LRRC37A2: variants seen among roughly 807,000 people sequenced by gnomAD.
The protein encoded by LRRC37A2 is leucine rich repeat containing 37 member A2, also known as leucine-rich repeat-containing protein 37A2.
In LRRC37A2, 9 loss-of-function variants were observed where a neutral mutation model predicts 68.8. The observed-to-expected ratio is 0.13, with a 90% confidence interval of 0.08 to 0.23. The LOEUF (loss-of-function observed/expected upper bound fraction) is 0.23. Among genes scored for constraint, LRRC37A2 ranks in the 10% least tolerant of loss-of-function variants. The pLI is 1.00. For synonymous variants in LRRC37A2, 63 were observed against 367.6 expected, an observed-to-expected ratio of 0.17 and a Z score of 9.48; for missense variants, 168 against 950.4, an observed-to-expected ratio of 0.18 and a Z score of 10.82.
chr17:46,886,869 T>A, the LRRC37A2 span: 1 of 153,370 alleles, frequency 6.5e-6, no homozygotes, highest in Non-Finnish European at 1.4e-5. Context: ...CAGGCTGGAG[T>A]GCAGTGGTGC....
the LRRC37A2 span, chr17:46,851,516 C>T: frequency 2.3e-6 from 1 of 432,954 alleles, no homozygotes; most frequent in Non-Finnish European, 3.7e-6. This position sits in a 1 kb window ranked among gnomAD's most constrained non-coding sequence, Gnocchi z 4.3. Context: ...CTCCCAATCT[C>T]CTCCTTTCCC....
chr17:46,912,934 C>T, the LRRC37A2 span, among the ~76,000 whole-genome samples: 2 of 152,204 alleles, frequency 1.3e-5, no homozygotes, highest in Non-Finnish European at 2.9e-5. Flanking sequence ...CTGCCACCAA[C>T]AAGCTTGGCC....
the LRRC37A2 span, among the ~76,000 whole-genome samples, chr17:47,015,662 T>TA: frequency 2.6e-5 from 4 of 152,168 alleles, no homozygotes; most frequent in Non-Finnish European, 4.4e-5. Context: ...GAAACTTTTT[T>TA]AAAAAAAGGA....
At chr17:46,502,841 G>A in the LRRC37A2 span, among the ~76,000 whole-genome samples, 2 of 150,972 alleles carry the variant, frequency 1.3e-5, no homozygotes, top group South Asian at 4.1e-4. Flanking sequence ...CCCTTCTGAA[G>A]TTTCCTAGAT....
chr17:47,014,631 A>G, the LRRC37A2 span, among the ~76,000 whole-genome samples: 1 of 151,620 alleles, frequency 6.6e-6, no homozygotes, highest in East Asian at 1.9e-4. Context: ...GGATTGTATT[A>G]CTACAGTTGT....
At chr17:46,502,396 T>C in the LRRC37A2 span, among the ~76,000 whole-genome samples, 16 of 151,260 alleles carry the variant, frequency 1.1e-4, 1 homozygote, top group East Asian at 1.4e-3. Flanking sequence ...CTGCAATCTC[T>C]GCCTCCCAGA....
At chr17:46,917,730 T>C in the LRRC37A2 span, among the ~76,000 whole-genome samples, 2 of 152,228 alleles carry the variant, frequency 1.3e-5, no homozygotes, top group African/African-American at 4.8e-5. Flanking sequence ...GTGGGGACTC[T>C]CTGCAGTACC....
the LRRC37A2 span, among the ~76,000 whole-genome samples, chr17:46,813,202 G>T: frequency 6.6e-6 from 1 of 151,896 alleles, no homozygotes; most frequent in Non-Finnish European, 1.5e-5. Context: ...ATGCTTCACA[G>T]CAACGAGCCC....
At chr17:47,009,773 C>T in the LRRC37A2 span, among the ~76,000 whole-genome samples, 19 of 152,336 alleles carry the variant, frequency 1.2e-4, no homozygotes, top group African/African-American at 4.3e-4. Flanking sequence ...CTGGAGGGCA[C>T]GGGGCAGCAT....
the LRRC37A2 span, chr17:46,830,848 T>C: frequency 1.0e-5 from 4 of 398,226 alleles, no homozygotes; most frequent in Non-Finnish European, 1.8e-5. Flanking sequence ...CTTCTGAGTA[T>C]CCTCAAAGAA....
the LRRC37A2 span, among the ~76,000 whole-genome samples, chr17:47,011,929 CA>C: frequency 6.6e-6 from 1 of 151,888 alleles, no homozygotes; most frequent in African/African-American, 2.4e-5. Context: ...ATTGCAAGAT[CA>C]AAAAATGTCT....
At chr17:46,839,932 C>A in the LRRC37A2 span, among the ~76,000 whole-genome samples, 5 of 138,288 alleles carry the variant, frequency 3.6e-5, no homozygotes, top group Non-Finnish European at 6.4e-5. Context: ...TTCTTTCTTT[C>A]TTTCTTTCTT....
chr17:46,960,123 T>G, the LRRC37A2 span, among the ~76,000 whole-genome samples: 7 of 152,124 alleles, frequency 4.6e-5, no homozygotes, highest in Non-Finnish European at 7.3e-5. Context: ...ACCAAAAGAC[T>G]GGTATCCAAA....
chr17:46,882,273 C>A, the LRRC37A2 span, among the ~76,000 whole-genome samples: 5 of 152,212 alleles, frequency 3.3e-5, no homozygotes, highest in African/African-American at 1.2e-4. Context: ...CTAGAACAGT[C>A]CCCCTCTTTC....
At chr17:46,880,660 G>T in the LRRC37A2 span, among the ~76,000 whole-genome samples, 1 of 152,238 alleles carries the variant, frequency 6.6e-6, no homozygotes, top group Non-Finnish European at 1.5e-5. Flanking sequence ...CCTCCTCATT[G>T]CAACTGGCAG....
At chr17:46,994,353 C>G in the LRRC37A2 span, among the ~76,000 whole-genome samples, 1 of 150,990 alleles carries the variant, frequency 6.6e-6, no homozygotes, top group East Asian at 2.0e-4. Context: ...CCATTACACT[C>G]CAGCCTGGGC....
At chr17:46,744,535 G>A in the LRRC37A2 span, among the ~76,000 whole-genome samples, 2 of 152,024 alleles carry the variant, frequency 1.3e-5, no homozygotes, top group African/African-American at 4.8e-5. Context: ...TTTCTTTCCT[G>A]CATAACTGAC....
the LRRC37A2 span, among the ~76,000 whole-genome samples, chr17:46,994,825 A>AAAAC: frequency 2.0e-4 from 3 of 14,758 alleles, no homozygotes; most frequent in Non-Finnish European, 7.1e-4. Context: ...AAAACAAAAC[A>AAAAC]AAAAAAACAC....
chr17:46,846,536 A>G, the LRRC37A2 span, among the ~76,000 whole-genome samples: 2 of 152,368 alleles, frequency 1.3e-5, no homozygotes, highest in Non-Finnish European at 2.9e-5. Context: ...AAGGTTGTAG[A>G]ACCAATGTGG....
Sources: allele counts gnomAD v4.1 joint callset (sites outside exome capture counted in the v4.1 genomes callset), GRCh38; gene constraint gnomAD v4.1.1; non-coding constraint Gnocchi (gnomAD v3.1); transcripts MANE v1.5; gene names NCBI Gene and HGNC (gene_info 2026-07-23, HGNC 2026-07-21).